Variants in AKAP7 observed in about 807,000 individuals in gnomAD.
The protein encoded by AKAP7 is A kinase (PRKA) anchor protein 7.
Under a neutral mutation model 39.5 loss-of-function variants are expected in AKAP7, and 39 were observed. That is an observed-to-expected ratio of 0.99 (90% CI 0.76 to 1.29). The LOEUF is 1.29. AKAP7 is among the 50% of genes most tolerant of loss of function. The pLI is 0.00. For synonymous variants in AKAP7, 140 were observed against 139.1 expected (o/e 1.01, Z -0.05); for missense variants, 414 against 407.7 (o/e 1.02, Z -0.13).
intron 5 of AKAP7, among the ~76,000 whole-genome samples, chr6:131,181,248 T>C (rs1384406558): frequency 6.6e-6 from 1 of 152,152 alleles, no homozygotes; most frequent in Non-Finnish European, 1.5e-5. Flanking sequence ...ATGTTTCACT[T>C]TTTGTATTTA....
intron 5 of AKAP7, among the ~76,000 whole-genome samples, chr6:131,196,643 C>G (rs765597683): frequency 6.6e-6 from 1 of 152,004 alleles, no homozygotes; most frequent in African/African-American, 2.4e-5. Flanking sequence ...TGATAAAATT[C>G]TGAGTTCTTC....
At chr6:131,145,468 T>C in intron 2 of AKAP7, 52 bp downstream of exon 2, 1 of 1,178,524 alleles carries the variant, frequency 8.5e-7, no homozygotes, top group Admixed American at 2.9e-5. Flanking sequence ...GTAGTAAATT[T>C]AGTTATATAT....
intron 5 of AKAP7, among the ~76,000 whole-genome samples, chr6:131,183,861 G>A (rs1277288750): frequency 6.6e-6 from 1 of 152,158 alleles, no homozygotes; most frequent in Non-Finnish European, 1.5e-5. Context: ...AGCTCCTTGT[G>A]GCTGTGGCCT....
chr6:131,219,320 T>C (rs1454443029), intron 6 of AKAP7, among the ~76,000 whole-genome samples: 1 of 151,898 alleles, frequency 6.6e-6, no homozygotes, highest in Non-Finnish European at 1.5e-5. Context: ...TATCCATTTC[T>C]CCATTTTTGT....
chr6:131,179,041 C>T (rs79419629), intron 5 of AKAP7, among the ~76,000 whole-genome samples: 1 of 152,010 alleles, frequency 6.6e-6, no homozygotes, highest in Non-Finnish European at 1.5e-5. Context: ...TCTCAAATGT[C>T]ACCACTTCAG....
At chr6:131,133,890 A>G (rs1042836996), upstream of AKAP7, among the ~76,000 whole-genome samples, 1 of 152,194 alleles carries the variant, frequency 6.6e-6, no homozygotes, top group East Asian at 1.9e-4. Context: ...CAGTATGGGA[A>G]GGTTACTAGA....
intron 7 of AKAP7, among the ~76,000 whole-genome samples, chr6:131,258,772 G>C (rs774144164): frequency 1.3e-5 from 2 of 152,194 alleles, no homozygotes; most frequent in Non-Finnish European, 2.9e-5. Flanking sequence ...GGTTAAATCA[G>C]AGATATTTGA....
At chr6:131,151,311 G>C (rs1372808304) in intron 2 of AKAP7, among the ~76,000 whole-genome samples, 4 of 151,260 alleles carry the variant, frequency 2.6e-5, no homozygotes, top group African/African-American at 9.7e-5. Flanking sequence ...CCAAAGTGCT[G>C]GGATTACAAG....
At chr6:131,199,078 G>A (rs991712230) in intron 5 of AKAP7, among the ~76,000 whole-genome samples, 6 of 152,134 alleles carry the variant, frequency 3.9e-5, no homozygotes, top group African/African-American at 1.4e-4. Context: ...ACTTCATCTT[G>A]GAAGCAGAAG....
intron 2 of AKAP7, among the ~76,000 whole-genome samples, chr6:131,150,756 A>G (rs1464982601): frequency 6.6e-6 from 1 of 152,196 alleles, no homozygotes; most frequent in African/African-American, 2.4e-5. Flanking sequence ...TACTTTTTCC[A>G]GGCTCAAGTT....
At chr6:131,200,212 T>G (rs1315290307) in intron 6 of AKAP7, 4 of 152,280 alleles carry the variant, frequency 2.6e-5, no homozygotes, top group Non-Finnish European at 5.9e-5. Context: ...CTTACTGCCT[T>G]TATAGGCCAC....
At chr6:131,259,815 A>G (rs1472450414) in intron 7 of AKAP7, among the ~76,000 whole-genome samples, 1 of 152,156 alleles carries the variant, frequency 6.6e-6, no homozygotes, top group Admixed American at 6.6e-5. Flanking sequence ...ATTTTATTTT[A>G]AGTTCTGGGA....
intron 6 of AKAP7, chr6:131,199,918 C>T (rs1807371460): frequency 3.8e-6 from 1 of 261,622 alleles, no homozygotes; most frequent in South Asian, 3.9e-5. Context: ...CATCCTGTTG[C>T]TCTCAAAGCT....
chr6:131,199,549 A>G lies in AKAP7; in HGVS notation c.678A>G (p.Ser226=). Reference sequence around the variant, plus strand: ...CTCATTTGACCTTCATGAAGTTGTCAAAATCACCGTGGCTCCGTAAGAATG... The same window carrying G: ...CTCATTTGACCTTCATGAAGTTGTCGAAATCACCGTGGCTCCGTAAGAATG... The part of the protein sequence containing the change: ...FKPHLTFMKL[S]KSPWLRKNGV... The change falls in exon 6 of 8, where the codon TCA becomes TCG. Residue 226 remains serine (S), a synonymous_variant. Coordinates refer to ENST00000431975, the MANE Select transcript of AKAP7 (RefSeq NM_016377.4). The G allele has an allele frequency of 6.2e-7, 1 of 1,609,556 alleles. No homozygotes were observed. The highest frequency in any genetic ancestry group is 8.5e-7 in the Non-Finnish European group (1 of 1,176,006).
chr6:131,260,517 T>C (rs1357328966), intron 7 of AKAP7, among the ~76,000 whole-genome samples: 2 of 152,212 alleles, frequency 1.3e-5, no homozygotes, highest in Non-Finnish European at 2.9e-5. Flanking sequence ...AGATGGTATC[T>C]TATTGTGGTT....
chr6:131,259,845 GGTTT>G (rs1273396655), intron 7 of AKAP7, among the ~76,000 whole-genome samples: 1 of 152,132 alleles, frequency 6.6e-6, no homozygotes, highest in Non-Finnish European at 1.5e-5. Flanking sequence ...AGAGTGTGCA[GGTTT>G]GTTAGGTAAA....
At chr6:131,167,251 C>T (rs539477073) in intron 4 of AKAP7, among the ~76,000 whole-genome samples, 6 of 152,290 alleles carry the variant, frequency 3.9e-5, no homozygotes, top group African/African-American at 1.4e-4. Flanking sequence ...TCCCAGTAGA[C>T]ACTGATTCCT....
intron 5 of AKAP7, among the ~76,000 whole-genome samples, chr6:131,195,265 A>G (rs1430583495): frequency 5.3e-5 from 8 of 152,108 alleles, no homozygotes; most frequent in African/African-American, 1.9e-4. Context: ...TTTTAAAGTG[A>G]TGACAACTTA....
At chr6:131,182,773 A>G (rs992323650) in intron 5 of AKAP7, among the ~76,000 whole-genome samples, 4 of 152,146 alleles carry the variant, frequency 2.6e-5, no homozygotes, top group African/African-American at 9.7e-5. Flanking sequence ...GCAGTGTACT[A>G]GGGCTCCAAC....
Sources: allele counts gnomAD v4.1 joint callset (sites outside exome capture counted in the v4.1 genomes callset), GRCh38; gene constraint gnomAD v4.1.1; transcripts MANE v1.5; gene names NCBI Gene and HGNC (gene_info 2026-07-23, HGNC 2026-07-21).